Variants in SIPA1L3 observed in about 807,000 individuals in gnomAD.
SIPA1L3 encodes the protein signal-induced proliferation-associated 1-like protein 3.
A neutral mutation model predicts 150.1 loss-of-function variants in SIPA1L3; 59 were observed. The observed-to-expected ratio is 0.39, with a 90% CI of 0.32 to 0.49. The LOEUF is 0.49. Ranked by LOEUF, SIPA1L3 falls within the 20% of genes least tolerant of loss-of-function variation. The pLI is 0.86. For missense variants in SIPA1L3, 2,211 were observed against 2,489.5 expected, an observed-to-expected ratio of 0.89 and a Z score of 2.38; for synonymous variants, 1,070 against 1,077.6, an observed-to-expected ratio of 0.99 and a Z score of 0.14.
At chr19:37,991,757 C>A (rs1377942186) in intron 1 of SIPA1L3, among the ~76,000 whole-genome samples, 1 of 152,154 alleles carries the variant, frequency 6.6e-6, no homozygotes, top group Non-Finnish European at 1.5e-5. Context: ...CCACCTGATG[C>A]TTTGGAGCTG....
At chr19:38,190,811 G>A (rs904819437) in intron 16 of SIPA1L3, among the ~76,000 whole-genome samples, 4 of 152,204 alleles carry the variant, frequency 2.6e-5, no homozygotes, top group Non-Finnish European at 4.4e-5. Flanking sequence ...ACCTCCCAGA[G>A]GTTATCATGG....
chr19:38,097,068 G>A (rs1970396124), intron 4 of SIPA1L3, among the ~76,000 whole-genome samples: 1 of 152,172 alleles, frequency 6.6e-6, no homozygotes, highest in Non-Finnish European at 1.5e-5. Context: ...AAACTGCCTG[G>A]CTGGGCGCAG....
At chr19:37,993,871 A>G (rs994136921) in intron 1 of SIPA1L3, among the ~76,000 whole-genome samples, 9 of 152,210 alleles carry the variant, frequency 5.9e-5, no homozygotes, top group Admixed American at 5.2e-4. Context: ...ATTTCAATGC[A>G]TAGCAGGAAA....
intron 20 of SIPA1L3, among the ~76,000 whole-genome samples, chr19:38,203,237 C>A (rs1600212606): frequency 1.3e-5 from 2 of 152,198 alleles, no homozygotes; most frequent in African/African-American, 4.8e-5. Flanking sequence ...GCAGCATGGG[C>A]TGTGGGAAGC....
chr19:37,981,444 T>G (rs550371688), intron 1 of SIPA1L3, among the ~76,000 whole-genome samples: 8 of 148,288 alleles, frequency 5.4e-5, no homozygotes, highest in Non-Finnish European at 1.0e-4. Flanking sequence ...AAAAAAAGAG[T>G]TTTGGTTTGA....
At chr19:38,000,993 T>A (rs1018074068) in intron 1 of SIPA1L3, among the ~76,000 whole-genome samples, 4 of 147,974 alleles carry the variant, frequency 2.7e-5, no homozygotes, top group Non-Finnish European at 5.9e-5. Context: ...CACATATATA[T>A]AACACATCAA....
chr19:38,196,725 G>A (rs1158384554), intron 18 of SIPA1L3, among the ~76,000 whole-genome samples: 1 of 151,654 alleles, frequency 6.6e-6, no homozygotes, highest in Non-Finnish European at 1.5e-5. Context: ...GGAACATAGA[G>A]TCAAGGGCAG....
At chr19:37,910,499 A>G (rs1431452678) in intron 1 of SIPA1L3, among the ~76,000 whole-genome samples, 1 of 151,144 alleles carries the variant, frequency 6.6e-6, no homozygotes, top group Non-Finnish European at 1.5e-5. Flanking sequence ...ATTGCACTCC[A>G]GCCTGTGTGA....
chr19:38,119,806 G>T lies in SIPA1L3; in HGVS notation c.2792G>T (p.Gly931Val). 6.2e-7 allele frequency: 1 copy of T among 1,613,770 alleles called. No homozygotes were observed. Among genetic ancestry groups the T allele is most frequent in the Non-Finnish European group, 8.5e-7 (1 of 1,180,046 alleles). Residue 931 changes from glycine to valine, a missense_variant, in exon 9 of 22, where the codon GGA becomes GTA. Coordinates refer to ENST00000222345, the MANE Select transcript of SIPA1L3 (RefSeq NM_015073.3). ...PDSSTLKIFY[G>V]RGDHIFLQAT... is the part of the protein sequence containing the mutation. ...TCCTCCACACTCAAAATCTTCTATG[G>T]ACGAGGAGACCACATCTTCCTACAG... is the stretch of plus-strand genomic sequence containing the variant.
intron 8 of SIPA1L3, among the ~76,000 whole-genome samples, chr19:38,115,966 G>A (rs1167808967): frequency 4.6e-5 from 7 of 152,118 alleles, no homozygotes; most frequent in African/African-American, 1.7e-4. Flanking sequence ...TCGCACTGTC[G>A]CCCTTGTCTA....
intron 12 of SIPA1L3, among the ~76,000 whole-genome samples, chr19:38,143,625 A>G (rs1000463151): frequency 8.3e-5 from 10 of 119,884 alleles, no homozygotes; most frequent in Non-Finnish European, 1.4e-4. Context: ...TGCAACCTCC[A>G]CCTCCCGGGT....
intron 1 of SIPA1L3, among the ~76,000 whole-genome samples, chr19:37,908,807 C>A (rs1413691156): frequency 1.3e-5 from 2 of 152,154 alleles, no homozygotes; most frequent in African/African-American, 4.8e-5. Context: ...CCCCTGCTCA[C>A]ACACCCCTCC....
At chr19:38,126,369 A>G (rs557620585) in intron 9 of SIPA1L3, among the ~76,000 whole-genome samples, 1 of 152,264 alleles carries the variant, frequency 6.6e-6, no homozygotes, top group Non-Finnish European at 1.5e-5. Flanking sequence ...CCACAGTTTA[A>G]CATTTAGAGC....
intron 3 of SIPA1L3, among the ~76,000 whole-genome samples, chr19:38,084,718 C>T (rs557481887): frequency 1.3e-5 from 2 of 149,222 alleles, no homozygotes; most frequent in Non-Finnish European, 3.0e-5. Context: ...CAGCTCACTG[C>T]AGCCTCTGCC....
At chr19:38,154,525 G>T (rs1328693838) in intron 13 of SIPA1L3, among the ~76,000 whole-genome samples, 1 of 151,992 alleles carries the variant, frequency 6.6e-6, no homozygotes, top group Non-Finnish European at 1.5e-5. Context: ...TCGGCTCACC[G>T]CAACCTCCAA....
At chr19:37,927,814 GCATT>G (rs1437488866) in intron 1 of SIPA1L3, among the ~76,000 whole-genome samples, 3 of 152,056 alleles carry the variant, frequency 2.0e-5, no homozygotes, top group Non-Finnish European at 4.4e-5. Context: ...TTCTGTTTGT[GCATT>G]CATTCACTTA....
At chr19:38,144,777 G>A (rs966069211) in intron 12 of SIPA1L3, among the ~76,000 whole-genome samples, 2 of 152,320 alleles carry the variant, frequency 1.3e-5, no homozygotes, top group Admixed American at 6.5e-5. Flanking sequence ...GGAGAGGATC[G>A]TAAAAACCAT....
intron 1 of SIPA1L3, among the ~76,000 whole-genome samples, chr19:38,000,837 A>G (rs1967766645): frequency 6.8e-6 from 1 of 147,842 alleles, no homozygotes; most frequent in Non-Finnish European, 1.5e-5. Flanking sequence ...GAGAATGAGT[A>G]ACTCTATAAT....
intron 3 of SIPA1L3, among the ~76,000 whole-genome samples, chr19:38,084,848 C>T (rs1221787889): frequency 6.6e-6 from 1 of 151,988 alleles, no homozygotes; most frequent in Non-Finnish European, 1.5e-5. Flanking sequence ...CCATGTTGGC[C>T]AGGCTGGTCT....
Sources: gnomAD v4.1 joint callset for allele counts (sites outside exome capture counted in the v4.1 genomes callset) on GRCh38, gnomAD v4.1.1 for gene constraint, MANE v1.5 for transcripts, NCBI Gene and HGNC (gene_info 2026-07-23, HGNC 2026-07-21) for gene names.